MYBPC1: variants seen among roughly 807,000 people sequenced by gnomAD.
MYBPC1 encodes the protein myosin binding protein C1, also known as myosin-binding protein C, slow-type.
MYBPC1 carries 52 observed loss-of-function variants against 147.1 expected under a neutral mutation model. That is an observed-to-expected ratio of 0.35 (90% CI 0.28 to 0.45). The LOEUF (loss-of-function observed/expected upper bound fraction) is 0.45. MYBPC1 is among the 20% of genes least tolerant of loss of function. MYBPC1 has a pLI of 1.00. For synonymous variants in MYBPC1, 477 were observed against 475.9 expected (o/e 1.00, Z -0.03); for missense variants, 1,228 against 1,440.3 (o/e 0.85, Z 2.39).
Position 101,667,862 on chromosome 12 carries a change from G to A in MYBPC1, c.2487G>A (p.Lys829=), listed in dbSNP as rs771221251. 1.9e-6 allele frequency: 3 copies of A among 1,614,110 alleles called. No homozygotes were observed. Among genetic ancestry groups the A allele is most frequent in the Non-Finnish European group, 2.5e-6 (3 of 1,180,020 alleles). ...ATGCAGCTGGTGCCAGCGAGCCCAA[G>A]TACTATTCTCAGCCCATTCTCGTGA... ...AVNAAGASEP[K]YYSQPILVKE... Residue 829 remains lysine (K), a synonymous_variant, in exon 23 of 32, where the codon AAG becomes AAA. Coordinates refer to ENST00000361466, the MANE Select transcript of MYBPC1 (RefSeq NM_002465.4).
chr12:101,692,250 A>G, the MYBPC1 span, among the ~76,000 whole-genome samples: 1 of 152,300 alleles, frequency 6.6e-6, no homozygotes, highest in South Asian at 2.1e-4. Context: ...GAACAAGGGA[A>G]TATTTTATTA....
At chr12:101,638,243 C>T (rs890360994) in intron 10 of MYBPC1, among the ~76,000 whole-genome samples, 2 of 152,208 alleles carry the variant, frequency 1.3e-5, no homozygotes, top group South Asian at 2.1e-4. Context: ...CAGGAAAATA[C>T]TAAACACTGT....
chr12:101,623,832 G>A (rs773527196), intron 3 of MYBPC1, among the ~76,000 whole-genome samples: 29 of 152,042 alleles, frequency 1.9e-4, no homozygotes, highest in African/African-American at 4.6e-4. Context: ...AGTTATTTTC[G>A]TTTTGAACAT....
intron 11 of MYBPC1, among the ~76,000 whole-genome samples, chr12:101,644,155 G>T (rs1228748396): frequency 6.6e-6 from 1 of 152,104 alleles, no homozygotes; most frequent in East Asian, 1.9e-4. Flanking sequence ...TCATGCCTCA[G>T]CCTCCCGAGT....
At chr12:101,624,725 TTATGTTGCCCAGGC>T (rs1888194345) in intron 3 of MYBPC1, among the ~76,000 whole-genome samples, 1 of 108,926 alleles carries the variant, frequency 9.2e-6, no homozygotes, top group African/African-American at 3.8e-5. Flanking sequence ...GAGAGTCTTG[TTATGTTGCCCAGGC>T]AAATTCACAA....
chr12:101,603,603 C>A (rs76956762), intron 1 of MYBPC1, among the ~76,000 whole-genome samples: 2,811 of 152,194 alleles, frequency 0.018, 82 homozygotes, highest in African/African-American at 0.065. Context: ...CAGTTTGGAG[C>A]AAGGCCTTTA....
In MYBPC1 at chr12:101,651,354, T is replaced by C. The variant is rs752801065; in HGVS notation, c.1487T>C (p.Val496Ala). 66 of 1,614,076 alleles carry C rather than the reference T, an allele frequency of 4.1e-5. No homozygotes were observed. The highest frequency in any genetic ancestry group is 5.1e-5 in the Non-Finnish European group (60 of 1,179,982). ...PGKWTKNGLP[V>A]QESDRLKVVH... ...AAATGGACTAAAAATGGCCTACCTGTTCAGGAGAGTGACCGTCTAAAGGTG... is the reference window on the plus strand; with the variant it reads ...AAATGGACTAAAAATGGCCTACCTGCTCAGGAGAGTGACCGTCTAAAGGTG... Residue 496 changes from valine to alanine, a missense_variant, in exon 16 of 32, where the codon GTT becomes GCT. Physicochemically the swap from Val to Ala is moderately conservative, Grantham distance 64 (BLOSUM62 0). Around this residue, in one of 2 missense-constraint regions of MYBPC1, gnomAD observed 1,077 missense variants for 1,314.2 expected, o/e 0.82. Coordinates refer to ENST00000361466, the MANE Select transcript of MYBPC1 (RefSeq NM_002465.4).
At chr12:101,686,757 G>A (rs947777924), downstream of MYBPC1, among the ~76,000 whole-genome samples, 81 of 152,000 alleles carry the variant, frequency 5.3e-4, no homozygotes, top group Non-Finnish European at 4.4e-4. Context: ...TTTCTTTCCA[G>A]ATTTTAGCTG....
chr12:101,664,938 T>C (rs1897180317), intron 22 of MYBPC1, among the ~76,000 whole-genome samples: 1 of 152,196 alleles, frequency 6.6e-6, no homozygotes, highest in South Asian at 2.1e-4. Context: ...CTCCATTCTG[T>C]TTTTTTGTAT....
rs1393870963 is a variant in MYBPC1, at chr12:101,678,101, G to A, written c.3110-1G>A. ...ACATATTTGTAATGCTTGTTTTTAA[G>A]GTAAAATCTACAAAAATCCAGTGTA... On this transcript the variant is annotated splice_acceptor_variant, in intron 27 of 31. Coordinates refer to ENST00000361466, the MANE Select transcript of MYBPC1 (RefSeq NM_002465.4). LOFTEE classifies it high-confidence loss of function. 1.2e-6 allele frequency: 2 copies of A among 1,612,494 alleles called. No homozygotes were observed. Among genetic ancestry groups the A allele is most frequent in the Non-Finnish European group, 1.7e-6 (2 of 1,178,658 alleles).
intron 22 of MYBPC1, among the ~76,000 whole-genome samples, chr12:101,664,204 A>T (rs1254003141): frequency 6.6e-6 from 1 of 152,194 alleles, no homozygotes; most frequent in African/African-American, 2.4e-5. Flanking sequence ...AAAATCACTG[A>T]TAGAAATAAT....
chr12:101,644,856 C>A (rs530471628), intron 12 of MYBPC1, 60 bp downstream of exon 12: 28 of 1,477,866 alleles, frequency 1.9e-5, no homozygotes, highest in Non-Finnish European at 2.2e-5. Context: ...AATAGTAGTT[C>A]GACTGACTTT....
rs907190300 is a variant in MYBPC1 at position 101,667,629 on chromosome 12, A to G, written c.2357-103A>G. 5 of 1,316,466 alleles carry G rather than the reference A, an allele frequency of 3.8e-6. No individual in the cohort carries two copies. In the African/African-American group the frequency reaches 4.4e-5, roughly 12 times the overall value. 81.5% of individuals were successfully genotyped at this position (1,316,466 alleles called of 1,614,324 possible). A position where few individuals can be genotyped will look rare whatever the true frequency, so the allele number is the denominator to read the frequency against. ...TCATAATGTCTCTAAATGATGTATT[A>G]TTATGAGTAAAATACTAATTTGGAG... On this transcript the variant is annotated intron_variant, in intron 22 of 31. Coordinates refer to ENST00000361466, the MANE Select transcript of MYBPC1 (RefSeq NM_002465.4).
chr12:101,670,450 G>A, intron 24 of MYBPC1, 41 bp downstream of exon 24: 1 of 1,540,406 alleles, frequency 6.5e-7, no homozygotes, highest in Non-Finnish European at 9.0e-7. Context: ...TTAGAGGGCT[G>A]GATTAGTTTA....
At chr12:101,600,275 T>C (rs1251005089) in intron 1 of MYBPC1, 2 of 152,108 alleles carry the variant, frequency 1.3e-5, no homozygotes, top group Admixed American at 6.6e-5. Flanking sequence ...TCACTTTATT[T>C]TGGCCATGAG....
chr12:101,692,080 A>G, the MYBPC1 span, among the ~76,000 whole-genome samples: 1 of 152,194 alleles, frequency 6.6e-6, no homozygotes, highest in Non-Finnish European at 1.5e-5. Context: ...AACAGGGAAC[A>G]AATGAGAGTG....
At chr12:101,618,470 T>C (rs938532245) in intron 3 of MYBPC1, among the ~76,000 whole-genome samples, 2 of 152,184 alleles carry the variant, frequency 1.3e-5, no homozygotes, top group African/African-American at 4.8e-5. Flanking sequence ...GCTGAAATTA[T>C]TGTAATATTA....
intron 22 of MYBPC1, 109 bp downstream of exon 22, chr12:101,663,669 T>C: frequency 7.8e-7 from 1 of 1,288,566 alleles, no homozygotes; most frequent in Non-Finnish European, 1.1e-6. Flanking sequence ...CCTACGAAAA[T>C]AAGATCAAGC....
intron 3 of MYBPC1, among the ~76,000 whole-genome samples, chr12:101,625,912 C>T (rs1243249116): frequency 6.6e-6 from 1 of 151,760 alleles, no homozygotes; most frequent in Non-Finnish European, 1.5e-5. Flanking sequence ...GGTGAAACCC[C>T]GTCTCTACCA....
Sources: allele counts gnomAD v4.1 joint callset (sites outside exome capture counted in the v4.1 genomes callset), GRCh38; gene constraint gnomAD v4.1.1; regional missense constraint gnomAD v4.1.1; transcripts MANE v1.5; gene names NCBI Gene and HGNC (gene_info 2026-07-23, HGNC 2026-07-21).